The following TASP1 variants were observed in gnomAD, a reference collection of about 807,000 sequenced individuals.
TASP1 encodes threonine aspartase 1.
In TASP1, 16 loss-of-function variants were observed where a neutral mutation model predicts 56.6. That is an observed-to-expected ratio of 0.28 (90% CI 0.19 to 0.43). The LOEUF is 0.43. Among genes scored for constraint, TASP1 ranks in the 20% least tolerant of loss-of-function variants. The pLI is 1.00. For missense variants in TASP1, 393 were observed against 511.6 expected (o/e 0.77, Z 2.24); for synonymous variants, 179 against 184.2 (o/e 0.97, Z 0.23).
chr20:13,585,632 A>C (rs770330639), intron 5 of TASP1, among the ~76,000 whole-genome samples: 1 of 152,180 alleles, frequency 6.6e-6, no homozygotes, highest in Non-Finnish European at 1.5e-5. Context: ...ACCACTACAC[A>C]CATAAATCAC....
chr20:13,256,325 G>A, the TASP1 span, among the ~76,000 whole-genome samples: 1 of 151,194 alleles, frequency 6.6e-6, no homozygotes, highest in East Asian at 1.9e-4. Context: ...GAATCCAGGA[G>A]GTGGAGGTTA....
chr20:13,183,870 A>T, the TASP1 span, among the ~76,000 whole-genome samples: 11 of 152,060 alleles, frequency 7.2e-5, no homozygotes, highest in Non-Finnish European at 1.6e-4. Flanking sequence ...TCTACTAAAA[A>T]TACAAAAAAT....
At chr20:13,117,657 G>A in the TASP1 span, 2 of 1,614,088 alleles carry the variant, frequency 1.2e-6, no homozygotes, top group Non-Finnish European at 8.5e-7. Flanking sequence ...CCCTCATGAA[G>A]TTGATGTGCT....
chr20:13,170,612 G>A, the TASP1 span, among the ~76,000 whole-genome samples: 5 of 152,198 alleles, frequency 3.3e-5, no homozygotes, highest in Non-Finnish European at 7.3e-5. Context: ...GCATATAACA[G>A]CGCTCCCTTT....
the TASP1 span, among the ~76,000 whole-genome samples, chr20:13,153,139 A>T: frequency 6.6e-6 from 1 of 152,200 alleles, no homozygotes; most frequent in Non-Finnish European, 1.5e-5. Flanking sequence ...ATTCATTCTT[A>T]TTGAGCAAAC....
At chr20:13,469,659 GTTCTTTGGAAATTGTGATGGTTGT>G (rs756933821) in intron 11 of TASP1, among the ~76,000 whole-genome samples, 6 of 152,082 alleles carry the variant, frequency 3.9e-5, no homozygotes, top group African/African-American at 7.2e-5. Flanking sequence ...TAACTTCTGG[GTTCTTTGGAAATTGTGATGGTTGT>G]TTCTCAGAAT....
chr20:13,462,470 G>C (rs1439138746), intron 11 of TASP1, among the ~76,000 whole-genome samples: 1 of 152,126 alleles, frequency 6.6e-6, no homozygotes, highest in Non-Finnish European at 1.5e-5. Context: ...TAGTTTGAAG[G>C]GCATGAACCC....
At chr20:13,189,705 G>T in the TASP1 span, among the ~76,000 whole-genome samples, 1 of 152,176 alleles carries the variant, frequency 6.6e-6, no homozygotes, top group African/African-American at 2.4e-5. Flanking sequence ...CTGTCAATGG[G>T]ATTGTAAATT....
intron 11 of TASP1, among the ~76,000 whole-genome samples, chr20:13,472,738 T>G (rs1012325678): frequency 6.6e-6 from 1 of 151,220 alleles, no homozygotes; most frequent in African/African-American, 2.4e-5. Flanking sequence ...GAAAAAATGC[T>G]CATCATCACT....
intron 13 of TASP1, among the ~76,000 whole-genome samples, chr20:13,394,505 G>A (rs572380883): frequency 9.9e-5 from 15 of 151,972 alleles, no homozygotes; most frequent in East Asian, 7.8e-4. Context: ...CCAGCTATTC[G>A]GGAGGCTGAG....
intron 13 of TASP1, among the ~76,000 whole-genome samples, chr20:13,408,501 C>T (rs1484064798): frequency 6.6e-6 from 1 of 152,060 alleles, no homozygotes; most frequent in Non-Finnish European, 1.5e-5. Context: ...ACTGAGGTTA[C>T]CCTTGTCTCA....
chr20:13,439,137 C>A (rs192491236), intron 11 of TASP1, among the ~76,000 whole-genome samples: 1 of 152,234 alleles, frequency 6.6e-6, no homozygotes, highest in African/African-American at 2.4e-5. Context: ...ACCATTTGAC[C>A]CAGCCAGCCC....
intron 6 of TASP1, among the ~76,000 whole-genome samples, chr20:13,573,048 C>A (rs988898157): frequency 6.6e-6 from 1 of 151,974 alleles, no homozygotes; most frequent in Admixed American, 6.6e-5. Flanking sequence ...TTCATAAATA[C>A]AAAAAACTGA....
At chr20:13,173,093 A>G in the TASP1 span, among the ~76,000 whole-genome samples, 37,720 of 152,034 alleles carry the variant, frequency 0.25, 5,029 homozygotes, top group South Asian at 0.45. Context: ...AAAAGTGATC[A>G]TGGAAGAGGG....
In TASP1 at chr20:13,519,992, A is replaced by C. The variant is rs549782385; in HGVS notation, c.874+8441T>G. On this transcript the variant is annotated intron_variant, in intron 10 of 13. Coordinates refer to ENST00000337743, the MANE Select transcript of TASP1 (RefSeq NM_017714.3). ...ATACACCAATAACAGACAAACAGAG[A>C]GCCAAATCATGAGTGAACTCCCATT... 2.0e-5 allele frequency among the ~76,000 whole-genome samples: 3 copies of C among 152,312 alleles called. No individual in the cohort carries two copies. The East Asian group carries it at 5.8e-4, about 29-fold the overall frequency.
the TASP1 span, chr20:13,238,192 C>G: frequency 6.6e-6 from 1 of 152,134 alleles, no homozygotes; most frequent in Non-Finnish European, 1.5e-5. Flanking sequence ...GGTTACATTG[C>G]CCAAACATTC....
chr20:13,373,864 T>G, the TASP1 span, among the ~76,000 whole-genome samples: 1 of 152,180 alleles, frequency 6.6e-6, no homozygotes, highest in South Asian at 2.1e-4. Context: ...CTTCTTCTAG[T>G]ACTTCCATTA....
the TASP1 span, among the ~76,000 whole-genome samples, chr20:13,226,577 C>T: frequency 6.6e-6 from 1 of 152,134 alleles, no homozygotes; most frequent in Non-Finnish European, 1.5e-5. Context: ...GTGATTTCAC[C>T]TGATATTACT....
At chr20:13,550,806 T>G (rs2045958911) in intron 8 of TASP1, among the ~76,000 whole-genome samples, 3 of 152,122 alleles carry the variant, frequency 2.0e-5, no homozygotes, top group Admixed American at 2.0e-4. Flanking sequence ...TCACTCAGTT[T>G]GTTTTTCCAG....
Sources: allele counts gnomAD v4.1 joint callset (sites outside exome capture counted in the v4.1 genomes callset), GRCh38; gene constraint gnomAD v4.1.1; transcripts MANE v1.5; gene names NCBI Gene and HGNC (gene_info 2026-07-23, HGNC 2026-07-21).